Variants in CRMP1 observed in about 807,000 individuals in gnomAD.
CRMP1 encodes the protein dihydropyrimidinase-related protein 1.
Under a neutral mutation model 68.3 loss-of-function variants are expected in CRMP1, and 19 were observed. That is an observed-to-expected ratio of 0.28 (90% confidence interval 0.19 to 0.41). CRMP1 has a LOEUF of 0.41. CRMP1 is among the 10% of genes least tolerant of loss of function. The pLI is 1.00. For missense variants in CRMP1, 791 were observed against 967.4 expected, an observed-to-expected ratio of 0.82 and a Z score of 2.42; for synonymous variants, 439 against 399.6, an observed-to-expected ratio of 1.10 and a Z score of -1.18.
chr4:5,861,370 G>A lies in CRMP1; in HGVS notation c.471-160C>T, dbSNP rs556879633. ...CTCAGGCAGGGCACATGCCCTCAAGGGGCTCATAGTCTAATAGGACGTAAG... is the reference window on the plus strand; with the variant it reads ...CTCAGGCAGGGCACATGCCCTCAAGAGGCTCATAGTCTAATAGGACGTAAG... On this transcript the variant is annotated intron_variant, in intron 2 of 13. Transcript: ENST00000324989. The surrounding 1 kb of genome is among the most constrained non-coding windows in gnomAD (Gnocchi z 6.0). Among the ~76,000 whole-genome samples the A allele has an allele frequency of 1.9e-3, 288 of 152,340 alleles. 2 individuals carry two copies. Among genetic ancestry groups the A allele is most frequent in the African/African-American group, 6.3e-3 (260 of 41,576 alleles).
chr4:5,874,276 A>C (rs923069555), intron 1 of CRMP1, among the ~76,000 whole-genome samples: 3 of 152,258 alleles, frequency 2.0e-5, no homozygotes, highest in African/African-American at 4.8e-5. Flanking sequence ...TCTTCCAGGA[A>C]GTTTTAAGCA....
chr4:5,823,836 A>G (rs546417832), intron 13 of CRMP1, among the ~76,000 whole-genome samples: 6 of 152,334 alleles, frequency 3.9e-5, no homozygotes, highest in African/African-American at 1.2e-4. Context: ...CCTTTATAGC[A>G]ATGTAAATGG....
intron 4 of CRMP1, among the ~76,000 whole-genome samples, chr4:5,852,810 G>C (rs867125960): frequency 1.3e-5 from 2 of 152,066 alleles, no homozygotes; most frequent in Non-Finnish European, 2.9e-5. Flanking sequence ...TGCATGGGGG[G>C]GTTGCATCTG....
At chr4:5,822,990 A>T (rs1218070884) in intron 13 of CRMP1, among the ~76,000 whole-genome samples, 1 of 152,108 alleles carries the variant, frequency 6.6e-6, no homozygotes, top group African/African-American at 2.4e-5. Context: ...GTACCCTTTC[A>T]TACTTTTTCT....
intron 13 of CRMP1, chr4:5,824,714 T>C: frequency 1.0e-6 from 1 of 985,148 alleles, no homozygotes; most frequent in Non-Finnish European, 1.2e-6. Context: ...CTAAAGTATT[T>C]ACTATCCGGC....
At chr4:5,836,277 G>A (rs891656376) in intron 10 of CRMP1, among the ~76,000 whole-genome samples, 192 bp from the exon 11 acceptor site, 17 of 152,228 alleles carry the variant, frequency 1.1e-4, no homozygotes, top group East Asian at 3.9e-4. Context: ...TTAATTAACC[G>A]CACAGAGGTA....
chr4:5,851,417 G>A lies in CRMP1; in HGVS notation c.873C>T (p.Ser291=), dbSNP rs752133402. Residue 291 remains serine, a synonymous_variant, in exon 5 of 14, where the codon TCC becomes TCT. Transcript: ENST00000324989. Reference sequence around the variant, plus strand: ...AGTGTGAGGGACCTACCTGGCTGTCGGACATTTGGTAGACATCCTTATAGG... The same window carrying A: ...AGTGTGAGGGACCTACCTGGCTGTCAGACATTTGGTAGACATCCTTATAGG... ...YMAYKDVYQM[S]DSQLYEAFTF... 13 of 1,613,976 alleles carry A rather than the reference G, an allele frequency of 8.1e-6. No individual in the cohort carries two copies. The highest frequency in any genetic ancestry group is 1.1e-5 in the South Asian group (1 of 91,084).
intron 11 of CRMP1, among the ~76,000 whole-genome samples, chr4:5,833,970 C>T (rs972873955): frequency 3.9e-5 from 6 of 152,166 alleles, no homozygotes; most frequent in Admixed American, 6.5e-5. Context: ...GGCGTGAACC[C>T]GGGAGGCGGA....
chr4:5,888,669 C>T lies in CRMP1; in HGVS notation c.381+3920G>A. 1 of 958,182 alleles carries T rather than the reference C, an allele frequency of 1.0e-6. No individual in the cohort carries two copies. The highest frequency in any genetic ancestry group is 5.3e-4 in the Middle Eastern group (1 of 1,872). The allele number at this position is 958,182 out of a possible 1,614,324, so 59.4% of individuals were successfully genotyped here. ...CCCAGCCCCGCCGACCCCCGCCCTG[C>T]GCACACGCCCTTGGCGGGCCCTGGC... On this transcript the variant is annotated intron_variant, in intron 1 of 13. Transcript: ENST00000324989. The surrounding 1 kb of genome is among the most constrained non-coding windows in gnomAD (Gnocchi z 6.4).
In CRMP1 at chr4:5,838,677, ATGTTGAGTAAGC is replaced by A. The variant is rs1720886753; in HGVS notation, c.1310+833_1310+844del. On this transcript the variant is annotated intron_variant, in intron 9 of 13. Transcript: ENST00000324989. The surrounding 1 kb of genome is among the most constrained non-coding windows in gnomAD (Gnocchi z 4.9). ...CTGCCCACCAGACATTGGACTGCAG[ATGTTGAGTAAGC>A]CCTTGGCTACGCTAGTCAAAGGTTT... Among the ~76,000 whole-genome samples the A allele has an allele frequency of 6.6e-6, 1 of 152,150 alleles. No individual in the cohort carries two copies. Among genetic ancestry groups the A allele is most frequent in the African/African-American group, 2.4e-5 (1 of 41,434 alleles).
chr4:5,847,902 T>G (rs766702448), intron 6 of CRMP1, among the ~76,000 whole-genome samples: 1 of 152,228 alleles, frequency 6.6e-6, no homozygotes, highest in Non-Finnish European at 1.5e-5. Context: ...CTACCTTTAC[T>G]GGCTGCATCC....
rs747022116 is a variant in CRMP1, at chr4:5,842,674, ACACT to A, written c.1032+415_1032+418del. Among the ~76,000 whole-genome samples, 26 of 151,200 alleles carry A rather than the reference ACACT, an allele frequency of 1.7e-4. No homozygotes were observed. The highest frequency in any genetic ancestry group is 3.4e-4 in the Non-Finnish European group (23 of 67,760). On this transcript the variant is annotated intron_variant, in intron 7 of 13. Coordinates refer to ENST00000324989, the MANE Select transcript of CRMP1 (RefSeq NM_001014809.3). This position sits in a 1 kb window ranked among gnomAD's most constrained non-coding sequence, Gnocchi z 4.5. ...CTCACACACACACACTAACATACAC[ACACT>A]CACACACACACATACACACACAGCC...
chr4:5,890,032 GT>G lies in CRMP1; in HGVS notation c.381+2556del. The stretch of plus-strand genomic sequence containing the variant: ...GAGATGCCAGGTTCCCCTACACTCT[GT>G]TTACAACTCATTTCCCTCCACGCAT... On this transcript the variant is annotated intron_variant, in intron 1 of 13. Coordinates refer to ENST00000324989, the MANE Select transcript of CRMP1 (RefSeq NM_001014809.3). This position sits in a 1 kb window ranked among gnomAD's most constrained non-coding sequence, Gnocchi z 5.5. 1.4e-6 allele frequency: 1 copy of G among 713,144 alleles called. No individual in the cohort carries two copies. Among genetic ancestry groups the G allele is most frequent in the Non-Finnish European group, 1.8e-6 (1 of 543,432 alleles). The allele number at this position is 713,144 out of a possible 1,614,324, so 44.2% of individuals were successfully genotyped here. A position where few individuals can be genotyped will look rare whatever the true frequency, so the allele number is the denominator to read the frequency against.
intron 11 of CRMP1, among the ~76,000 whole-genome samples, 180 bp from the exon 12 acceptor site, chr4:5,828,848 C>A (rs979457265): frequency 4.6e-5 from 7 of 152,098 alleles, no homozygotes; most frequent in Non-Finnish European, 7.3e-5. Context: ...ATATAACCAA[C>A]AACTCACCGT....
chr4:5,849,366 A>G, intron 6 of CRMP1, 26 bp downstream of exon 6: 1 of 1,568,980 alleles, frequency 6.4e-7, no homozygotes, highest in Non-Finnish European at 8.8e-7. Flanking sequence ...ACTGAGGTAG[A>G]AGGAGTGGAA....
intron 4 of CRMP1, among the ~76,000 whole-genome samples, chr4:5,852,839 G>A (rs1712762014): frequency 6.6e-6 from 1 of 152,174 alleles, no homozygotes. Flanking sequence ...CTTCAGGGAA[G>A]GCTTCCCAGG....
At position 5,891,896 on chromosome 4, in the gene CRMP1, G is replaced by C. The variant is rs1339517675; in HGVS notation, c.381+693C>G. Among the ~76,000 whole-genome samples, 5 of 152,158 alleles carry C rather than the reference G, an allele frequency of 3.3e-5. No homozygotes were observed. Among genetic ancestry groups the C allele is most frequent in the African/African-American group, 4.8e-5 (2 of 41,422 alleles). On this transcript the variant is annotated intron_variant, in intron 1 of 13. Coordinates refer to ENST00000324989, the MANE Select transcript of CRMP1 (RefSeq NM_001014809.3). The surrounding 1 kb of genome is among the most constrained non-coding windows in gnomAD (Gnocchi z 5.2). ...GCCAGAGACCCCAGTTCAAATCCCA[G>C]CTCTACCTCCACCTTGCTCTGTGAA... is the stretch of plus-strand genomic sequence containing the variant.
In CRMP1 at chr4:5,850,778, A is replaced by G. The variant is rs41424251; in HGVS notation, c.882+630T>C. Among the ~76,000 whole-genome samples the G allele has an allele frequency of 0.34, 51,780 of 152,044 alleles. 11,257 individuals carry two copies. The highest frequency in any genetic ancestry group is 0.69 in the East Asian group (3,566 of 5,134). ...ACAAGCAGAGCAAGGGAAACTGACAATGAAACAAAACTAGGAGACCCAGTA... is the reference window on the plus strand; with the variant it reads ...ACAAGCAGAGCAAGGGAAACTGACAGTGAAACAAAACTAGGAGACCCAGTA... On this transcript the variant is annotated intron_variant, in intron 5 of 13. Coordinates refer to ENST00000324989, the MANE Select transcript of CRMP1 (RefSeq NM_001014809.3). The surrounding 1 kb of genome is among the most constrained non-coding windows in gnomAD (Gnocchi z 4.4).
rs1288158555 is a variant in CRMP1, at chr4:5,854,578, TATGAA to T, written c.820+1560_820+1564del. Among the ~76,000 whole-genome samples, 1 of 151,898 alleles carries T rather than the reference TATGAA, an allele frequency of 6.6e-6. No individual in the cohort carries two copies. The highest frequency in any genetic ancestry group is 2.4e-5 in the African/African-American group (1 of 41,340). On this transcript the variant is annotated intron_variant, in intron 4 of 13. Transcript: ENST00000324989. The surrounding 1 kb of genome is among the most constrained non-coding windows in gnomAD (Gnocchi z 4.0). ...TTGATAGAAAGAGCTTAAACAGACA[TATGAA>T]AATGCAAATTGAAGAGTGGGCAAAT...
Sources: gnomAD v4.1 joint callset for allele counts (sites outside exome capture counted in the v4.1 genomes callset) on GRCh38, gnomAD v4.1.1 for gene constraint, Gnocchi (gnomAD v3.1) non-coding constraint, MANE v1.5 for transcripts, NCBI Gene and HGNC (gene_info 2026-07-23, HGNC 2026-07-21) for gene names.